The following GABRB2 variants were observed in gnomAD, a reference collection of about 807,000 sequenced individuals.
GABRB2 encodes gamma-aminobutyric acid type A receptor subunit beta2.
In GABRB2, 16 loss-of-function variants were observed where a neutral mutation model predicts 54.7. The observed-to-expected ratio is 0.29, with a 90% CI of 0.20 to 0.44. The LOEUF (loss-of-function observed/expected upper bound fraction) is 0.44, where lower values mean the gene tolerates loss of function less well. Ranked by LOEUF, GABRB2 falls within the 20% of genes least tolerant of loss-of-function variation. The probability of loss-of-function intolerance (pLI) is 1.00; values close to 1 mark genes in which losing one functional copy is unlikely to be tolerated. For missense variants in GABRB2, 355 were observed against 644.0 expected, an observed-to-expected ratio of 0.55 and a Z score of 4.86; for synonymous variants, 244 against 233.8, an observed-to-expected ratio of 1.04 and a Z score of -0.40.
In GABRB2 at chr5:161,310,088, C is replaced by A. The variant is rs142423051; in HGVS notation, c.1192-15660G>T. Among the ~76,000 whole-genome samples, 124 of 152,266 alleles carry A rather than the reference C, an allele frequency of 8.1e-4. 1 individual carries two copies. The highest frequency in any genetic ancestry group is 2.2e-3 in the Admixed American group (33 of 15,292). ...CAGAAAATCAAATGCTACATGTTCT[C>A]ATTTATAAGTGGTAGCTAAATAATG... On this transcript the variant is annotated intron_variant, in intron 9 of 9. Transcript: ENST00000393959.
At chr5:161,386,571 G>A (rs1004549050) in intron 5 of GABRB2, among the ~76,000 whole-genome samples, 1 of 151,904 alleles carries the variant, frequency 6.6e-6, no homozygotes, top group Non-Finnish European at 1.5e-5. Context: ...TTTGAGACAA[G>A]GTCTCACTCT....
intron 4 of GABRB2, among the ~76,000 whole-genome samples, chr5:161,416,561 C>T (rs1404474000): frequency 2.7e-5 from 4 of 150,752 alleles, no homozygotes; most frequent in Admixed American, 6.6e-5. Flanking sequence ...AAAAATTAAA[C>T]ATCTTTGAAT....
At chr5:161,425,147 A>G (rs1756962555) in intron 4 of GABRB2, among the ~76,000 whole-genome samples, 1 of 152,144 alleles carries the variant, frequency 6.6e-6, no homozygotes, top group African/African-American at 2.4e-5. Flanking sequence ...TGAAAATGCT[A>G]TGAATATCAT....
At chr5:161,446,457 T>C (rs1001629452) in intron 4 of GABRB2, among the ~76,000 whole-genome samples, 2 of 152,150 alleles carry the variant, frequency 1.3e-5, no homozygotes, top group Non-Finnish European at 2.9e-5. Context: ...CTTAAGAGAA[T>C]TCTGAGTACG....
intron 5 of GABRB2, among the ~76,000 whole-genome samples, chr5:161,354,844 T>A (rs1157405784): frequency 6.6e-6 from 1 of 152,108 alleles, no homozygotes; most frequent in Admixed American, 6.6e-5. Context: ...TAATTACTTT[T>A]TGCAATTGCT....
Position 161,546,355 on chromosome 5 carries a change from C to G in GABRB2, c.136G>C (p.Gly46Arg). The change falls in exon 2 of 10, where the codon GGC (glycine) becomes CGC (arginine). Residue 46 changes from glycine (G) to arginine (R), a missense_variant. Physicochemically the swap from Gly to Arg is moderately radical, Grantham distance 125. Around this residue, in one of 6 missense-constraint regions of GABRB2, gnomAD observed 42 missense variants for 99.7 expected, o/e 0.42. Coordinates refer to ENST00000393959, the MANE Select transcript of GABRB2 (RefSeq NM_001371727.1). The stretch of plus-strand genomic sequence containing the variant: ...TCTGGTCTCAGACGAATGTCATAGC[C>G]TTTCAGGAGTCTATCCACCGTCTCT... ...VKETVDRLLK[G>R]YDIRLRPDFG... The G allele has an allele frequency of 6.2e-7, 1 of 1,614,190 alleles. No individual in the cohort carries two copies. Among genetic ancestry groups the G allele is most frequent in the Non-Finnish European group, 8.5e-7 (1 of 1,180,036 alleles).
intron 5 of GABRB2, among the ~76,000 whole-genome samples, chr5:161,385,388 C>T (rs1755593286): frequency 6.6e-6 from 1 of 152,172 alleles, no homozygotes; most frequent in Non-Finnish European, 1.5e-5. Context: ...TATGTAGAAG[C>T]TCTCTCATTT....
chr5:161,347,129 CTA>C (rs1208840426), intron 5 of GABRB2, among the ~76,000 whole-genome samples: 1 of 152,066 alleles, frequency 6.6e-6, no homozygotes, highest in Non-Finnish European at 1.5e-5. Context: ...TGGCCACTAG[CTA>C]ATATTTCTAA....
chr5:161,421,488 AC>A (rs1242580758), intron 4 of GABRB2, among the ~76,000 whole-genome samples: 1 of 152,216 alleles, frequency 6.6e-6, no homozygotes, highest in African/African-American at 2.4e-5. Context: ...ATGGTAAGGC[AC>A]TTGCTGAAAG....
At chr5:161,342,689 C>G (rs778601303) in intron 5 of GABRB2, among the ~76,000 whole-genome samples, 1 of 152,032 alleles carries the variant, frequency 6.6e-6, no homozygotes, top group Non-Finnish European at 1.5e-5. Flanking sequence ...GGAAGCCATA[C>G]ACAGTGCTAT....
At chr5:161,300,852 G>A (rs1757515111) in intron 9 of GABRB2, among the ~76,000 whole-genome samples, 1 of 152,162 alleles carries the variant, frequency 6.6e-6, no homozygotes, top group East Asian at 1.9e-4. Flanking sequence ...GGCCAGAGAA[G>A]TAATACACAA....
rs559446145 is a variant in GABRB2 at position 161,383,368 on chromosome 5, C to CT, written c.541+27606dup. On this transcript the variant is annotated intron_variant, in intron 5 of 9. Transcript: ENST00000393959. ...ATGCAATCATGTGGCATTTGTCTTT[C>CT]TTTTTTTTTCAATTTTTCTAAATTT... Among the ~76,000 whole-genome samples, 41 of 150,600 alleles carry CT rather than the reference C, an allele frequency of 2.7e-4. No individual in the cohort carries two copies. The South Asian group carries it at 4.5e-3, about 16-fold the overall frequency.
chr5:161,510,012 G>T (rs1390505309), intron 3 of GABRB2, among the ~76,000 whole-genome samples: 1 of 151,690 alleles, frequency 6.6e-6, no homozygotes, highest in East Asian at 1.9e-4. Context: ...TACATAGTAG[G>T]TGTGTACATT....
intron 3 of GABRB2, among the ~76,000 whole-genome samples, chr5:161,472,754 T>C (rs1424819793): frequency 6.6e-6 from 1 of 151,932 alleles, no homozygotes; most frequent in Admixed American, 6.6e-5. Flanking sequence ...AATGTGCTCA[T>C]TCAGAAATAA....
chr5:161,516,140 G>A (rs1759940411), intron 3 of GABRB2, among the ~76,000 whole-genome samples: 1 of 152,080 alleles, frequency 6.6e-6, no homozygotes, highest in African/African-American at 2.4e-5. Flanking sequence ...GTACCTACTA[G>A]CAAGTCTGCA....
chr5:161,301,473 A>G (rs1757536058), intron 9 of GABRB2, among the ~76,000 whole-genome samples: 1 of 151,976 alleles, frequency 6.6e-6, no homozygotes, highest in Admixed American at 6.6e-5. Flanking sequence ...CCTTTAACCA[A>G]TCAGAAGGAC....
intron 3 of GABRB2, among the ~76,000 whole-genome samples, chr5:161,504,795 T>TA (rs397737798): frequency 0.037 from 5,206 of 140,838 alleles, 110 homozygotes; most frequent in Middle Eastern, 0.067. Context: ...CGAAAGGAAT[T>TA]AAAAAAAAAA....
intron 3 of GABRB2, among the ~76,000 whole-genome samples, chr5:161,516,318 A>G (rs1759946469): frequency 6.6e-6 from 1 of 152,178 alleles, no homozygotes; most frequent in Admixed American, 6.5e-5. Context: ...CTTTCATTTA[A>G]TGCTCATAAC....
chr5:161,369,533 G>GGAGAGAGA (rs70990780), intron 5 of GABRB2, among the ~76,000 whole-genome samples: 6 of 146,406 alleles, frequency 4.1e-5, no homozygotes, highest in African/African-American at 1.2e-4. Flanking sequence ...AGGAGGAGAG[G>GGAGAGAGA]GAGAGAGAGA....
Sources: allele counts gnomAD v4.1 joint callset (sites outside exome capture counted in the v4.1 genomes callset), GRCh38; gene constraint gnomAD v4.1.1; regional missense constraint gnomAD v4.1.1; transcripts MANE v1.5; gene names NCBI Gene and HGNC (gene_info 2026-07-23, HGNC 2026-07-21).